The following GRID1 variants were observed in gnomAD, a reference collection of about 807,000 sequenced individuals.
GRID1 encodes glutamate ionotropic receptor delta type subunit 1.
In GRID1, 28 loss-of-function variants were observed where a neutral mutation model predicts 98.0. That is an observed-to-expected ratio of 0.29 (90% CI 0.21 to 0.39). The LOEUF is 0.39. GRID1 is among the 10% of genes least tolerant of loss of function. GRID1 has a pLI of 1.00. For missense variants in GRID1, 1,111 were observed against 1,340.5 expected, an observed-to-expected ratio of 0.83 and a Z score of 2.67; for synonymous variants, 553 against 538.5, an observed-to-expected ratio of 1.03 and a Z score of -0.37.
At chr10:86,191,500 C>T (rs1845802084) in intron 3 of GRID1, among the ~76,000 whole-genome samples, 1 of 151,764 alleles carries the variant, frequency 6.6e-6, no homozygotes, top group African/African-American at 2.4e-5. Flanking sequence ...CTAGAGTGCC[C>T]ACCCCTCCCC....
At chr10:86,143,378 C>T (rs1437490136) in intron 3 of GRID1, among the ~76,000 whole-genome samples, 1 of 152,100 alleles carries the variant, frequency 6.6e-6, no homozygotes, top group African/African-American at 2.4e-5. Context: ...TGTAATCCCA[C>T]CCTACCCCAT....
At chr10:86,342,223 C>T (rs1291058882) in intron 2 of GRID1, among the ~76,000 whole-genome samples, 1 of 152,130 alleles carries the variant, frequency 6.6e-6, no homozygotes, top group Non-Finnish European at 1.5e-5. Context: ...ATAGGCAGGT[C>T]ACACGGCCCT....
At chr10:86,349,432 C>T (rs1425121812) in intron 2 of GRID1, among the ~76,000 whole-genome samples, 2 of 152,362 alleles carry the variant, frequency 1.3e-5, no homozygotes, top group South Asian at 2.1e-4. Context: ...AGGCACACCT[C>T]AGGCATACAG....
intron 2 of GRID1, among the ~76,000 whole-genome samples, chr10:86,358,403 G>A (rs376465527): frequency 6.6e-6 from 1 of 152,138 alleles, no homozygotes. Context: ...CCAGATCTGT[G>A]AATATGTTAG....
At chr10:85,843,509 T>C (rs534859986) in intron 8 of GRID1, among the ~76,000 whole-genome samples, 2 of 152,126 alleles carry the variant, frequency 1.3e-5, no homozygotes, top group Admixed American at 6.5e-5. Context: ...CAAATACAAA[T>C]TGCAATAAAA....
intron 5 of GRID1, among the ~76,000 whole-genome samples, chr10:85,885,364 G>A (rs1841098404): frequency 6.6e-6 from 1 of 152,182 alleles, no homozygotes; most frequent in Admixed American, 6.5e-5. Context: ...TATATGGCTG[G>A]CTTCAGGAGG....
chr10:85,708,329 A>G (rs1160537217), intron 12 of GRID1, among the ~76,000 whole-genome samples: 3 of 151,758 alleles, frequency 2.0e-5, no homozygotes, highest in Non-Finnish European at 4.4e-5. Flanking sequence ...GCGTGAGCCC[A>G]GGAGGCGGAG....
At chr10:86,242,686 T>C (rs1846657424) in intron 2 of GRID1, among the ~76,000 whole-genome samples, 1 of 152,116 alleles carries the variant, frequency 6.6e-6, no homozygotes, top group Admixed American at 6.5e-5. Context: ...GGCCACCTCG[T>C]CCAAAAGGGC....
intron 13 of GRID1, among the ~76,000 whole-genome samples, chr10:85,638,012 G>T (rs528427407): frequency 1.3e-5 from 2 of 152,164 alleles, no homozygotes; most frequent in Non-Finnish European, 2.9e-5. Flanking sequence ...TTAGAGGGAA[G>T]TTTATAGCTC....
chr10:86,179,689 G>A (rs1182487173), intron 3 of GRID1, among the ~76,000 whole-genome samples: 1 of 152,162 alleles, frequency 6.6e-6, no homozygotes, highest in Non-Finnish European at 1.5e-5. Flanking sequence ...CAGGGCCACA[G>A]CCAATCAATC....
chr10:86,241,539 T>C (rs1436672855), intron 2 of GRID1, among the ~76,000 whole-genome samples: 1 of 151,958 alleles, frequency 6.6e-6, no homozygotes, highest in African/African-American at 2.4e-5. Context: ...TAAGCAGAAC[T>C]CCCCCCCACC....
intron 4 of GRID1, among the ~76,000 whole-genome samples, chr10:86,135,721 C>A (rs1235054945): frequency 2.0e-5 from 3 of 151,924 alleles, no homozygotes; most frequent in Non-Finnish European, 2.9e-5. Flanking sequence ...AACCTGCAGG[C>A]CCCGACAGCA....
At chr10:85,963,715 G>A (rs1282480385) in intron 4 of GRID1, among the ~76,000 whole-genome samples, 1 of 152,110 alleles carries the variant, frequency 6.6e-6, no homozygotes, top group Non-Finnish European at 1.5e-5. Context: ...TACATTCCTT[G>A]AGCCATTACT....
intron 8 of GRID1, among the ~76,000 whole-genome samples, chr10:85,771,375 A>G (rs1842265274): frequency 2.0e-5 from 3 of 152,194 alleles, no homozygotes; most frequent in African/African-American, 7.2e-5. Context: ...ATCATGCCAA[A>G]TTGTAAAGAC....
rs563223062 is a variant in GRID1, at chr10:86,348,418, C to T, written c.235+15523G>A. ...GTACAGAACTGAGACTGGGATGAGA[C>T]GGGGCTCTGCGGCACAGGGTGGATG... On this transcript the variant is annotated intron_variant, in intron 2 of 15. Coordinates refer to ENST00000327946, the MANE Select transcript of GRID1 (RefSeq NM_017551.3). Among the ~76,000 whole-genome samples the T allele has an allele frequency of 1.6e-4, 24 of 152,312 alleles. No individual in the cohort carries two copies. The East Asian group carries it at 4.4e-3, about 28-fold the overall frequency.
chr10:85,945,199 T>G (rs572538242), intron 4 of GRID1, among the ~76,000 whole-genome samples: 4 of 152,320 alleles, frequency 2.6e-5, no homozygotes, highest in Admixed American at 2.0e-4. Flanking sequence ...CATATTAGAA[T>G]ATATAATACG....
intron 2 of GRID1, among the ~76,000 whole-genome samples, chr10:86,326,463 G>A (rs1848052034): frequency 1.3e-5 from 2 of 152,216 alleles, no homozygotes; most frequent in South Asian, 2.1e-4. Context: ...GTTTGAAGAA[G>A]GGTAAAACGG....
At chr10:86,023,009 G>A (rs1843070037) in intron 4 of GRID1, among the ~76,000 whole-genome samples, 1 of 152,038 alleles carries the variant, frequency 6.6e-6, no homozygotes, top group Admixed American at 6.6e-5. Context: ...TATGTTGGGG[G>A]GCCACAGGAT....
intron 3 of GRID1, among the ~76,000 whole-genome samples, chr10:86,171,636 G>A (rs1227572240): frequency 6.6e-6 from 1 of 152,210 alleles, no homozygotes; most frequent in Non-Finnish European, 1.5e-5. Flanking sequence ...ACTGTAGACT[G>A]TCTAAAAGAT....
Sources: allele counts gnomAD v4.1 joint callset (sites outside exome capture counted in the v4.1 genomes callset), GRCh38; gene constraint gnomAD v4.1.1; transcripts MANE v1.5; gene names NCBI Gene and HGNC (gene_info 2026-07-23, HGNC 2026-07-21).